IFT27: variants seen among roughly 807,000 people sequenced by gnomAD.
IFT27 encodes the protein intraflagellar transport 27.
In IFT27, 19 loss-of-function variants were observed where a neutral mutation model predicts 23.9. The ratio of observed to expected loss-of-function variants is 0.79; its 90% CI spans 0.55 to 1.16. The LOEUF (loss-of-function observed/expected upper bound fraction) is 1.16. Ranked by LOEUF, IFT27 falls within the 50% of genes most tolerant of loss-of-function variation. The probability of loss-of-function intolerance (pLI) is 0.00; values close to 1 mark genes in which losing one functional copy is unlikely to be tolerated. For synonymous variants in IFT27, 91 were observed against 89.1 expected (o/e 1.02, Z -0.12); for missense variants, 206 against 228.7 (o/e 0.90, Z 0.64).
At chr22:36,762,502 G>GT (rs1938117115) in intron 6 of IFT27, 1 of 155,524 alleles carries the variant, frequency 6.4e-6, no homozygotes, top group Non-Finnish European at 1.4e-5. Context: ...CCTTGGACAA[G>GT]TCACTTGAGC....
chr22:36,769,139 T>G (rs1298591576), intron 1 of IFT27, among the ~76,000 whole-genome samples: 1 of 152,220 alleles, frequency 6.6e-6, no homozygotes, highest in Non-Finnish European at 1.5e-5. Context: ...GTCCTGCTTT[T>G]CTATTTGTCA....
At position 36,758,436 on chromosome 22, in the gene IFT27, T is replaced by C. The variant is rs371608183; in HGVS notation, c.463-27A>G. On this transcript the variant is annotated intron_variant, in intron 6 of 6. Transcript: ENST00000433985. ...TGGAAAGACAGTTTAAAAAGTTGGCTGTGTTCTTTTAGAAGGGTCAGAGGG... is the reference window on the plus strand; with the variant it reads ...TGGAAAGACAGTTTAAAAAGTTGGCCGTGTTCTTTTAGAAGGGTCAGAGGG... 97 of 1,586,016 alleles carry C rather than the reference T, an allele frequency of 6.1e-5. No homozygotes were observed. The South Asian group carries it at 6.4e-4, about 10-fold the overall frequency.
intron 6 of IFT27, chr22:36,760,624 C>T (rs962536976): frequency 1.3e-5 from 2 of 152,168 alleles, no homozygotes; most frequent in African/African-American, 2.4e-5. Flanking sequence ...CTAGAAAACC[C>T]AAGTTTTCCA....
chr22:36,759,800 G>A (rs1378209593), intron 6 of IFT27: 1 of 152,232 alleles, frequency 6.6e-6, no homozygotes, highest in Non-Finnish European at 1.5e-5. Context: ...AGTAGTTTGG[G>A]GCCCAGCGGG....
At chr22:36,764,102 A>G in intron 4 of IFT27, 66 bp from the exon 5 acceptor site, 1 of 1,204,034 alleles carries the variant, frequency 8.3e-7, no homozygotes, top group South Asian at 1.2e-5. Flanking sequence ...GCTGGGAGAC[A>G]ATTTGGCCTT....
rs541627451 is a variant in IFT27 at position 36,764,057 on chromosome 22, G to A, written c.235-21C>T. On this transcript the variant is annotated intron_variant, in intron 4 of 6. Transcript: ENST00000433985. ...TCCCACTGTGCAAGAGGGACAGGAT[G>A]AGTATGGGTCAGTAACAGGAAAAGT... 12 of 1,539,942 alleles carry A rather than the reference G, an allele frequency of 7.8e-6. No individual in the cohort carries two copies. The African/African-American group carries it at 1.5e-4, about 19-fold the overall frequency.
At chr22:36,775,598 A>G in intron 1 of IFT27, 76 bp downstream of exon 1, 1 of 1,527,198 alleles carries the variant, frequency 6.5e-7, no homozygotes, top group Non-Finnish European at 9.1e-7. Context: ...ATTTAGGTGA[A>G]CAAAAGCTCT....
intron 1 of IFT27, chr22:36,772,463 T>C (rs772175967): frequency 6.2e-6 from 6 of 971,548 alleles, no homozygotes; most frequent in Admixed American, 6.2e-5. Flanking sequence ...TAAGTACTAT[T>C]TAAGTGTTTT....
chr22:36,765,921 G>GCA (rs1284248172), intron 4 of IFT27, among the ~76,000 whole-genome samples: 1 of 152,208 alleles, frequency 6.6e-6, no homozygotes, highest in Non-Finnish European at 1.5e-5. Flanking sequence ...TGGATCCTGG[G>GCA]CACCCCAGAG....
chr22:36,767,169 A>C, intron 3 of IFT27, 137 bp downstream of exon 3: 1 of 631,682 alleles, frequency 1.6e-6, no homozygotes, highest in Non-Finnish European at 2.8e-6. Context: ...ATGCTTCCCG[A>C]TTCTATTCCG....
At chr22:36,760,017 A>T (rs957611644) in intron 6 of IFT27, 1 of 152,266 alleles carries the variant, frequency 6.6e-6, no homozygotes, top group South Asian at 2.1e-4. Context: ...ATGCTGAGAG[A>T]GTGCCGAGGA....
rs368204107 is a variant in IFT27, at chr22:36,767,400, G to A, written c.115-35C>T. On this transcript the variant is annotated intron_variant, in intron 2 of 6. Coordinates refer to ENST00000433985, the MANE Select transcript of IFT27 (RefSeq NM_001177701.3). ...AACACCAAGAATGTTAGCACTGAGG[G>A]CCCCCAAAGGGAGAGCATGTTACAG... 1.6e-5 allele frequency: 26 copies of A among 1,587,152 alleles called. No individual in the cohort carries two copies. In the African/African-American group the frequency reaches 3.2e-4, roughly 20 times the overall value.
At position 36,775,728 on chromosome 22, in the gene IFT27, G is replaced by C; in HGVS notation, c.-21C>G. 2 of 1,614,072 alleles carry C rather than the reference G, an allele frequency of 1.2e-6. No individual in the cohort carries two copies. Among genetic ancestry groups the C allele is most frequent in the Non-Finnish European group, 1.7e-6 (2 of 1,179,964 alleles). ...ACCATGGTAACCAACACTCCCGCGA[G>C]CCGTACCCAGAGGACAAGAGCGGCT... On this transcript the variant is annotated 5_prime_UTR_variant, in exon 1 of 7. Coordinates refer to ENST00000433985, the MANE Select transcript of IFT27 (RefSeq NM_001177701.3).
In IFT27 at chr22:36,764,027, G is replaced by A. The variant is rs779329189; in HGVS notation, c.244C>T (p.Pro82Ser). ...TCATAGACGAGACATAAGACATTGG[G>A]ACTCTCCCACTGTGCAAGAGGGACA... ...SEMLDKLWES[P>S]NVLCLVYDVT... The change falls in exon 5 of 7, where the codon CCC (proline) becomes TCC (serine). Residue 82 changes from proline (P) to serine (S), a missense_variant. Transcript: ENST00000433985. 1 of 1,611,652 alleles carries A rather than the reference G, an allele frequency of 6.2e-7. No homozygotes were observed. Among genetic ancestry groups the A allele is most frequent in the Non-Finnish European group, 8.5e-7 (1 of 1,177,688 alleles).
chr22:36,767,017 T>C, intron 3 of IFT27: 1 of 248,358 alleles, frequency 4.0e-6, no homozygotes, highest in Non-Finnish European at 7.7e-6. Context: ...CATAACGTCT[T>C]GCAATTCACT....
chr22:36,761,339 C>T (rs1404614515), intron 6 of IFT27: 2 of 152,182 alleles, frequency 1.3e-5, no homozygotes, highest in East Asian at 1.9e-4. Flanking sequence ...GGCACTACCG[C>T]CTACTGCTTT....
At chr22:36,765,893 G>T (rs954083534) in intron 4 of IFT27, among the ~76,000 whole-genome samples, 1 of 152,242 alleles carries the variant, frequency 6.6e-6, no homozygotes, top group African/African-American at 2.4e-5. Context: ...GGACCGAGCC[G>T]CAGGGCTCTT....
At chr22:36,764,972 T>C (rs150889063) in intron 4 of IFT27, among the ~76,000 whole-genome samples, 17 of 152,278 alleles carry the variant, frequency 1.1e-4, no homozygotes, top group Middle Eastern at 6.8e-3. Context: ...AGAATCCTTT[T>C]CCCTCCAGAT....
chr22:36,764,103 A>C lies in IFT27; in HGVS notation c.235-67T>G, dbSNP rs530538965. Reference sequence around the variant, plus strand: ...AAAGTGACTTCAAGGCTGGGAGACAATTTGGCCTTCCAAGGGAAAGGGTAT... The same window carrying C: ...AAAGTGACTTCAAGGCTGGGAGACACTTTGGCCTTCCAAGGGAAAGGGTAT... On this transcript the variant is annotated intron_variant, in intron 4 of 6. Transcript: ENST00000433985. 1,317 of 1,196,856 alleles carry C rather than the reference A, an allele frequency of 1.1e-3. 31 individuals are homozygous for C. In the South Asian group the frequency reaches 0.015, roughly 13 times the overall value. The allele number at this position is 1,196,856 out of a possible 1,614,324, so 74.1% of individuals were successfully genotyped here. A position where few individuals can be genotyped will look rare whatever the true frequency, so the allele number is the denominator to read the frequency against.
Sources: gnomAD v4.1 joint callset for allele counts (sites outside exome capture counted in the v4.1 genomes callset) on GRCh38, gnomAD v4.1.1 for gene constraint, MANE v1.5 for transcripts, NCBI Gene and HGNC (gene_info 2026-07-23, HGNC 2026-07-21) for gene names.